Variants in PTPN22 observed in about 807,000 individuals in gnomAD.
PTPN22 encodes protein tyrosine phosphatase non-receptor type 22, also known as tyrosine-protein phosphatase non-receptor type 22.
In PTPN22, 85 loss-of-function variants were observed where a neutral mutation model predicts 103.3. The ratio of observed to expected loss-of-function variants is 0.82; its 90% confidence interval spans 0.69 to 0.99. The LOEUF (loss-of-function observed/expected upper bound fraction) is 0.99, where lower values mean the gene tolerates loss of function less well. Ranked by LOEUF, PTPN22 falls within the 50% of genes least tolerant of loss-of-function variation. PTPN22 has a pLI of 0.00. For missense variants in PTPN22, 865 were observed against 936.9 expected, an observed-to-expected ratio of 0.92 and a Z score of 1.00; for synonymous variants, 323 against 310.2, an observed-to-expected ratio of 1.04 and a Z score of -0.43.
intron 9 of PTPN22, among the ~76,000 whole-genome samples, chr1:113,853,186 C>T (rs1571432169): frequency 6.6e-6 from 1 of 151,914 alleles, no homozygotes; most frequent in East Asian, 1.9e-4. Flanking sequence ...GATCTGCCCA[C>T]CTCAGCCTCC....
intron 11 of PTPN22, among the ~76,000 whole-genome samples, chr1:113,840,579 T>C (rs1663461683): frequency 2.0e-5 from 3 of 152,186 alleles, no homozygotes; most frequent in African/African-American, 7.2e-5. Flanking sequence ...ACAAGTGCAA[T>C]GCAATTCTTA....
chr1:113,833,103 AT>A lies in PTPN22; in HGVS notation c.2053+7del, dbSNP rs1477826812. 2 of 1,566,540 alleles carry A rather than the reference AT, an allele frequency of 1.3e-6. No individual in the cohort carries two copies. Among genetic ancestry groups the A allele is most frequent in the African/African-American group, 1.4e-5 (1 of 73,594 alleles). ...TAAATGTCATCTAAAGCCAAGAGAA[AT>A]TTTTACCTGATTTAGGACTTCGGAG... On this transcript the variant is annotated splice_region_variant and intron_variant, in intron 16 of 20. Coordinates refer to ENST00000359785, the Ensembl canonical transcript of PTPN22.
chr1:113,818,003 T>G (rs1385010318), intron 20 of PTPN22, among the ~76,000 whole-genome samples: 1 of 150,372 alleles, frequency 6.7e-6, no homozygotes, highest in Non-Finnish European at 1.5e-5. Flanking sequence ...TTGCCCAGAC[T>G]GGTCTTCAAC....
intron 9 of PTPN22, among the ~76,000 whole-genome samples, chr1:113,853,692 A>T (rs1389406578): frequency 4.0e-5 from 6 of 149,040 alleles, no homozygotes; most frequent in Non-Finnish European, 7.4e-5. Context: ...TTTTATTTTT[A>T]TTTTTTTGAG....
chr1:113,862,357 T>C (rs1665689210), intron 1 of PTPN22, among the ~76,000 whole-genome samples: 1 of 151,928 alleles, frequency 6.6e-6, no homozygotes, highest in Non-Finnish European at 1.5e-5. Flanking sequence ...GGCCCTGAAA[T>C]AGGGTGGAAT....
At chr1:113,825,157 G>C in exon 19 of PTPN22, 1 of 1,501,574 alleles carries the variant, frequency 6.7e-7, no homozygotes, top group South Asian at 1.2e-5. Flanking sequence ...TTCATGTTTC[G>C]CAAAATTTTC....
chr1:113,829,982 T>G, exon 17 of PTPN22: 1 of 1,608,156 alleles, frequency 6.2e-7, no homozygotes, highest in Non-Finnish European at 8.5e-7. Flanking sequence ...GACTCTAGAG[T>G]TCTTTCTGGG....
At chr1:113,870,714 T>C (rs983129531) in intron 1 of PTPN22, among the ~76,000 whole-genome samples, 4 of 152,008 alleles carry the variant, frequency 2.6e-5, no homozygotes, top group Admixed American at 2.6e-4. Context: ...ATATTTTTCA[T>C]ATGAAAAAGA....
At chr1:113,868,036 G>T (rs527285973) in intron 1 of PTPN22, among the ~76,000 whole-genome samples, 1 of 152,220 alleles carries the variant, frequency 6.6e-6, no homozygotes, top group South Asian at 2.1e-4. Flanking sequence ...GTAAATGCTA[G>T]ATAAATTGTT....
intron 11 of PTPN22, among the ~76,000 whole-genome samples, chr1:113,839,271 G>A (rs768501016): frequency 4.6e-5 from 7 of 152,044 alleles, no homozygotes; most frequent in Non-Finnish European, 8.8e-5. Context: ...TAAGAGACAG[G>A]GCCTCGCTGT....
rs760638506 is a variant in PTPN22 at position 113,855,007 on chromosome 1, C to A, written c.583G>T (p.Asp195Tyr). The A allele has an allele frequency of 1.6e-5, 26 of 1,609,058 alleles. No individual in the cohort carries two copies. Among genetic ancestry groups the A allele is most frequent in the Non-Finnish European group, 2.2e-5 (26 of 1,175,516 alleles). Residue 195 changes from aspartate (D) to tyrosine (Y), a missense_variant, in exon 8 of 21, where the codon GAC becomes TAC. Physicochemically the swap from Asp to Tyr is radical, Grantham distance 160. This residue lies in a region of PTPN22 where 457 missense variants were observed against 529.1 expected (regional missense o/e 0.86). Coordinates refer to ENST00000359785, the Ensembl canonical transcript of PTPN22. Reference sequence around the variant, plus strand: ...TCTATAGATGAAGGTACATCATGGTCTGGCCAATTCTTGTAATGAAACTGG... The same window carrying A: ...TCTATAGATGAAGGTACATCATGGTATGGCCAATTCTTGTAATGAAACTGG...
intron 17 of PTPN22, 118 bp downstream of exon 17, chr1:113,829,831 T>TA (rs1243501798): frequency 1.6e-6 from 2 of 1,219,332 alleles, no homozygotes; most frequent in Non-Finnish European, 2.4e-6. Flanking sequence ...TAGGGGCTTT[T>TA]AAAATGTATT....
At chr1:113,830,974 A>C (rs769811661) in intron 16 of PTPN22, among the ~76,000 whole-genome samples, 3 of 152,196 alleles carry the variant, frequency 2.0e-5, no homozygotes, top group Non-Finnish European at 2.9e-5. Flanking sequence ...ACACAAGTGT[A>C]GTACTTATTT....
In PTPN22 at chr1:113,852,023, A is replaced by C. The variant is rs74163650; in HGVS notation, c.828+4T>G. 4.7e-4 allele frequency: 746 copies of C among 1,599,776 alleles called. 1 individual carries two copies. The highest frequency in any genetic ancestry group is 6.2e-4 in the Non-Finnish European group (726 of 1,167,412). On this transcript the variant is annotated splice_donor_region_variant and intron_variant, in intron 10 of 20. Transcript: ENST00000359785. Reference sequence around the variant, plus strand: ...TGTTCTGATCCATTCACTATAGTTCATACCTGCGTTTGAACTAATGAAGGC... The same window carrying C: ...TGTTCTGATCCATTCACTATAGTTCCTACCTGCGTTTGAACTAATGAAGGC...
intron 20 of PTPN22, chr1:113,815,346 C>A (rs779676745): frequency 1.8e-5 from 3 of 165,972 alleles, no homozygotes; most frequent in Admixed American, 6.1e-5. Context: ...AATATAGCAC[C>A]GTTACTTATA....
intron 1 of PTPN22, among the ~76,000 whole-genome samples, chr1:113,869,231 C>T (rs982224694): frequency 6.6e-6 from 1 of 151,906 alleles, no homozygotes; most frequent in African/African-American, 2.4e-5. Flanking sequence ...AAAAAAAAGA[C>T]CAGATTTGTA....
At chr1:113,823,326 G>A (rs1184777495) in intron 19 of PTPN22, 1 of 152,168 alleles carries the variant, frequency 6.6e-6, no homozygotes, top group Non-Finnish European at 1.5e-5. Flanking sequence ...TTAAAAGTAG[G>A]ACCAGCTTTA....
chr1:113,835,315 G>A (rs549612378), intron 13 of PTPN22, among the ~76,000 whole-genome samples: 3 of 152,192 alleles, frequency 2.0e-5, no homozygotes, highest in South Asian at 2.1e-4. Flanking sequence ...TCAGGAGATC[G>A]AAACCATCCT....
chr1:113,837,795 A>G (rs1445340572), exon 13 of PTPN22: 1 of 1,613,770 alleles, frequency 6.2e-7, no homozygotes, highest in African/African-American at 1.3e-5. Flanking sequence ...ATGAAAAATA[A>G]GGATTTTCCA....
Sources: allele counts gnomAD v4.1 joint callset (sites outside exome capture counted in the v4.1 genomes callset), GRCh38; gene constraint gnomAD v4.1.1; regional missense constraint gnomAD v4.1.1; transcripts MANE v1.5; gene names NCBI Gene and HGNC (gene_info 2026-07-23, HGNC 2026-07-21).